Variants in SERPIND1 observed in about 807,000 individuals in gnomAD.
SERPIND1 encodes the protein heparin cofactor 2.
In SERPIND1, 34 loss-of-function variants were observed where a neutral mutation model predicts 35.0. That is an observed-to-expected ratio of 0.97 (90% CI 0.74 to 1.29). The LOEUF is 1.29. Ranked by LOEUF, SERPIND1 falls within the 50% of genes most tolerant of loss-of-function variation. The pLI is 0.00. For synonymous variants in SERPIND1, 236 were observed against 241.1 expected (o/e 0.98, Z 0.19); for missense variants, 633 against 637.7 (o/e 0.99, Z 0.08).
chr22:20,777,087 T>TC (rs1199262071), intron 1 of SERPIND1, among the ~76,000 whole-genome samples: 1 of 151,910 alleles, frequency 6.6e-6, no homozygotes, highest in Non-Finnish European at 1.5e-5. Flanking sequence ...ACTCACTCTA[T>TC]CCCCCAGGTT....
At position 20,779,363 on chromosome 22, in the gene SERPIND1, G is replaced by C. The variant is rs139081149; in HGVS notation, c.51G>C (p.Ala17=). ...TCATTTTCCTCATCATAACATCTGC[G>C]TGGGGTGGGAGCAAAGGCCCGCTGG... ...ALLIFLIITS[A]WGGSKGPLDQ... The change falls in exon 2 of 5, where the codon GCG becomes GCC. Residue 17 remains alanine (A), a synonymous_variant. Transcript: ENST00000215727. 13 of 1,614,092 alleles carry C rather than the reference G, an allele frequency of 8.1e-6. No homozygotes were observed. In the African/African-American group the frequency reaches 1.7e-4, roughly 22 times the overall value.
In SERPIND1 at chr22:20,786,009, G is replaced by A. The variant is rs368023291; in HGVS notation, c.1169G>A (p.Arg390Gln). Residue 390 changes from arginine (R) to glutamine (Q), a missense_variant, in exon 4 of 5, where the codon CGA (arginine) becomes CAA (glutamine). By Grantham distance (43) the Arg-to-Gln change is conservative. Transcript: ENST00000215727. ...CCCTTTCCTTTTCTGTCTAGAACTC[G>A]AGAAGTGCTTCTGCCGAAATTCAAG... ...RWQKSMTNRT[R>Q]EVLLPKFKLE... 3.1e-5 allele frequency: 50 copies of A among 1,613,978 alleles called. No homozygotes were observed. The highest frequency in any genetic ancestry group is 3.8e-5 in the Non-Finnish European group (45 of 1,180,028).
At chr22:20,782,688 T>C (rs1933890477) in intron 2 of SERPIND1, among the ~76,000 whole-genome samples, 1 of 152,136 alleles carries the variant, frequency 6.6e-6, no homozygotes, top group African/African-American at 2.4e-5. Context: ...CACTTTTGGT[T>C]GTCACAACCT....
intron 1 of SERPIND1, among the ~76,000 whole-genome samples, chr22:20,777,319 C>T (rs904498789): frequency 1.3e-5 from 2 of 151,716 alleles, no homozygotes; most frequent in Admixed American, 6.6e-5. Context: ...TGAATTCAAA[C>T]GAATCTCCTG....
chr22:20,786,980 G>A lies in SERPIND1; in HGVS notation c.1414G>A (p.Asp472Asn), dbSNP rs765992261. Residue 472 changes from aspartate (D) to asparagine (N), a missense_variant, in exon 5 of 5, where the codon GAC (aspartate) becomes AAC (asparagine). Asp to Asn is a conservative substitution (Grantham distance 23). Coordinates refer to ENST00000215727, the MANE Select transcript of SERPIND1 (RefSeq NM_000185.4). The stretch of plus-strand genomic sequence containing the variant: ...GTCCACCCAAGTCCGCTTCACTGTC[G>A]ACCGCCCCTTTCTTTTCCTCATCTA... ...PLSTQVRFTV[D>N]RPFLFLIYEH... 9 of 1,614,012 alleles carry A rather than the reference G, an allele frequency of 5.6e-6. No individual in the cohort carries two copies. Among genetic ancestry groups the A allele is most frequent in the South Asian group, 4.4e-5 (4 of 91,080 alleles).
Position 20,779,534 on chromosome 22 carries a change from G to A in SERPIND1, c.222G>A (p.Glu74=), listed in dbSNP as rs765665872. 2.1e-5 allele frequency: 34 copies of A among 1,613,888 alleles called. No homozygotes were observed. In the African/African-American group the frequency reaches 2.8e-4, roughly 13 times the overall value. ...TVTNDWIPEG[E]EDDDYLDLEK... is the part of the protein sequence containing the mutation. ...CCAACGACTGGATTCCAGAGGGGGA[G>A]GAGGACGACGACTATCTGGACCTGG... The change falls in exon 2 of 5, where the codon GAG becomes GAA. Residue 74 remains glutamate (E), a synonymous_variant. Transcript: ENST00000215727.
intron 3 of SERPIND1, among the ~76,000 whole-genome samples, chr22:20,785,183 C>T (rs1934122983): frequency 6.6e-6 from 1 of 151,844 alleles, no homozygotes; most frequent in Admixed American, 6.6e-5. Flanking sequence ...GATCCTCTCA[C>T]CTCAGCCTCC....
At chr22:20,777,114 G>A (rs1316368351) in intron 1 of SERPIND1, among the ~76,000 whole-genome samples, 2 of 151,718 alleles carry the variant, frequency 1.3e-5, no homozygotes, top group African/African-American at 2.4e-5. Context: ...CAGTAGTGGC[G>A]TGATCACGGC....
At chr22:20,785,893 C>T in intron 3 of SERPIND1, 111 bp from the exon 4 acceptor site, 7 of 1,409,624 alleles carry the variant, frequency 5.0e-6, no homozygotes, top group Non-Finnish European at 6.0e-6. Context: ...TTAATAAGTG[C>T]TATATCAATT....
chr22:20,783,942 C>T, intron 2 of SERPIND1, 30 bp from the exon 3 acceptor site: 1 of 1,614,148 alleles, frequency 6.2e-7, no homozygotes, highest in Non-Finnish European at 8.5e-7. Flanking sequence ...GGAACCTTCT[C>T]ATAACAGCCT....
Position 20,787,333 on chromosome 22 carries a change from T to C in SERPIND1, c.*267T>C. Reference sequence around the variant, plus strand: ...CCTAGAGGGTCTCACCTCCCCACTCTTCACAGCAAACCTGAGCAGCGCGTC... The same window carrying C: ...CCTAGAGGGTCTCACCTCCCCACTCCTCACAGCAAACCTGAGCAGCGCGTC... On this transcript the variant is annotated 3_prime_UTR_variant, in exon 5 of 5. Transcript: ENST00000215727. The C allele has an allele frequency of 2.0e-6, 1 of 493,236 alleles. No homozygotes were observed. The highest frequency in any genetic ancestry group is 3.9e-5 in the East Asian group (1 of 25,690). The allele number at this position is 493,236 out of a possible 1,614,324, so 30.6% of individuals were successfully genotyped here.
rs1469469320 is a variant in SERPIND1 at position 20,787,023 on chromosome 22, G to A, written c.1457G>A (p.Cys486Tyr). The change falls in exon 5 of 5, where the codon TGC becomes TAC. Residue 486 changes from cysteine to tyrosine, a missense_variant. Cys to Tyr is a radical substitution (Grantham distance 194). Transcript: ENST00000215727. Reference sequence around the variant, plus strand: ...CTCATCTACGAGCATCGCACCAGCTGCCTGCTCTTCATGGGAAGAGTGGCC... The same window carrying A: ...CTCATCTACGAGCATCGCACCAGCTACCTGCTCTTCATGGGAAGAGTGGCC... ...LFLIYEHRTS[C>Y]LLFMGRVANP... The A allele has an allele frequency of 3.1e-5, 50 of 1,614,076 alleles. No homozygotes were observed. Among genetic ancestry groups the A allele is most frequent in the Non-Finnish European group, 4.0e-5 (47 of 1,180,050 alleles).
chr22:20,786,270 C>A, intron 4 of SERPIND1, 122 bp downstream of exon 4: 1 of 1,111,302 alleles, frequency 9.0e-7, no homozygotes, highest in Non-Finnish European at 1.4e-6. Flanking sequence ...GCTGAGTCTG[C>A]TCTTCGGCCT....
chr22:20,779,442 C>T lies in SERPIND1; in HGVS notation c.130C>T (p.Gln44Ter). 1 of 1,614,162 alleles carries T rather than the reference C, an allele frequency of 6.2e-7. No homozygotes were observed. Among genetic ancestry groups the T allele is most frequent in the South Asian group, 1.1e-5 (1 of 91,086 alleles). Residue 44 changes from glutamine to a stop codon, truncating the protein, a stop_gained, in exon 2 of 5, where the codon CAG becomes TAG. Transcript: ENST00000215727. LOFTEE classifies it high-confidence loss of function. The part of the protein sequence containing the change: ...TAQSADPQWE[Q>*]LNNKNLSMPL... ...TCAGTCTGCAGATCCCCAGTGGGAG[C>T]AGTTAAATAACAAAAACCTGAGCAT...
At position 20,779,469 on chromosome 22, in the gene SERPIND1, C is replaced by T; in HGVS notation, c.157C>T (p.Pro53Ser). ...EQLNNKNLSM[P>S]LLPADFHKEN... ...GTTAAATAACAAAAACCTGAGCATG[C>T]CTCTTCTCCCTGCCGACTTCCACAA... The change falls in exon 2 of 5, where the codon CCT becomes TCT. Residue 53 changes from proline (P) to serine (S), a missense_variant. Pro to Ser is a moderately conservative substitution (Grantham distance 74). Coordinates refer to ENST00000215727, the MANE Select transcript of SERPIND1 (RefSeq NM_000185.4). 1 of 1,614,172 alleles carries T rather than the reference C, an allele frequency of 6.2e-7. No homozygotes were observed. The highest frequency in any genetic ancestry group is 8.5e-7 in the Non-Finnish European group (1 of 1,180,008).
chr22:20,780,554 G>A (rs934190402), intron 2 of SERPIND1, among the ~76,000 whole-genome samples: 2 of 152,054 alleles, frequency 1.3e-5, no homozygotes, highest in Admixed American at 6.6e-5. Flanking sequence ...GATCACTTGA[G>A]GTCAGGAGTT....
In SERPIND1 at chr22:20,787,149, G is replaced by C. The variant is rs941152219; in HGVS notation, c.*83G>C. ...CAACAACGAGAACAGAGATGTTCTG[G>C]CATCATTTACGTAGTTTACGCTACC... On this transcript the variant is annotated 3_prime_UTR_variant, in exon 5 of 5. Coordinates refer to ENST00000215727, the MANE Select transcript of SERPIND1 (RefSeq NM_000185.4). 7.0e-6 allele frequency: 9 copies of C among 1,284,918 alleles called. No homozygotes were observed. In the Admixed American group the frequency reaches 1.5e-4, roughly 22 times the overall value. The allele number at this position is 1,284,918 out of a possible 1,614,324, so 79.6% of individuals were successfully genotyped here. A position where few individuals can be genotyped will look rare whatever the true frequency, so the allele number is the denominator to read the frequency against.
intron 2 of SERPIND1, among the ~76,000 whole-genome samples, chr22:20,781,017 G>C (rs1933757792): frequency 6.6e-6 from 1 of 152,148 alleles, no homozygotes; most frequent in South Asian, 2.1e-4. Flanking sequence ...TATTCAGCTT[G>C]AGCAGCTGAC....
At chr22:20,784,309 G>A (rs1934035621) in intron 3 of SERPIND1, 64 bp downstream of exon 3, 1 of 1,604,828 alleles carries the variant, frequency 6.2e-7, no homozygotes, top group South Asian at 1.1e-5. Flanking sequence ...GGGAATACTG[G>A]AAAATGGATC....
Sources: allele counts gnomAD v4.1 joint callset (sites outside exome capture counted in the v4.1 genomes callset), GRCh38; gene constraint gnomAD v4.1.1; transcripts MANE v1.5; gene names NCBI Gene and HGNC (gene_info 2026-07-23, HGNC 2026-07-21).